Variants in STOX2 observed in about 807,000 individuals in gnomAD.
STOX2 encodes storkhead box 2, also known as storkhead-box protein 2.
Under a neutral mutation model 60.9 loss-of-function variants are expected in STOX2, and 28 were observed. The ratio of observed to expected loss-of-function variants is 0.46; its 90% CI spans 0.34 to 0.63. The LOEUF is 0.63. Among genes scored for constraint, STOX2 ranks in the 30% least tolerant of loss-of-function variants. The probability of loss-of-function intolerance (pLI) is 0.01; values close to 1 mark genes in which losing one functional copy is unlikely to be tolerated. For synonymous variants in STOX2, 472 were observed against 463.9 expected, an observed-to-expected ratio of 1.02 and a Z score of -0.22; for missense variants, 1,024 against 1,187.7, an observed-to-expected ratio of 0.86 and a Z score of 2.03.
chr4:183,989,432 C>G (rs1733003106), intron 1 of STOX2, among the ~76,000 whole-genome samples: 1 of 152,094 alleles, frequency 6.6e-6, no homozygotes, highest in Non-Finnish European at 1.5e-5. Flanking sequence ...GAACTTCTGA[C>G]CTCTGTTGAC....
rs1194705834 is a variant in STOX2, at chr4:184,017,339, C to T, written c.*55C>T. The stretch of plus-strand genomic sequence containing the variant: ...ATTCGATACAGCAAAGTTTACGACA[C>T]TGGGACTGATGTTTACATCTTTGGA... On this transcript the variant is annotated 3_prime_UTR_variant, in exon 4 of 4. Coordinates refer to ENST00000308497, the MANE Select transcript of STOX2 (RefSeq NM_020225.3). The T allele has an allele frequency of 7.0e-7, 1 of 1,431,486 alleles. No homozygotes were observed. The highest frequency in any genetic ancestry group is 1.4e-5 in the African/African-American group (1 of 69,696). 88.7% of individuals were successfully genotyped at this position (1,431,486 alleles called of 1,614,324 possible).
chr4:183,826,396 C>T (rs926363219), intron 1 of STOX2, among the ~76,000 whole-genome samples: 2 of 152,192 alleles, frequency 1.3e-5, no homozygotes, highest in African/African-American at 4.8e-5. Flanking sequence ...CCCAGGCAGC[C>T]TCTGGCTCCA....
At position 183,927,411 on chromosome 4, in the gene STOX2, A is replaced by G. The variant is rs116102778; in HGVS notation, c.166+20455A>G. On this transcript the variant is annotated intron_variant, in intron 1 of 3. Transcript: ENST00000308497. Reference sequence around the variant, plus strand: ...AATGTTATGTGCTCCATAACAGTGAACAGTTATTGTTATTAATAAGCTTAT... The same window carrying G: ...AATGTTATGTGCTCCATAACAGTGAGCAGTTATTGTTATTAATAAGCTTAT... Among the ~76,000 whole-genome samples, 154 of 152,344 alleles carry G rather than the reference A, an allele frequency of 1.0e-3. 1 individual carries two copies. The highest frequency in any genetic ancestry group is 3.5e-3 in the African/African-American group (147 of 41,580).
intron 1 of STOX2, among the ~76,000 whole-genome samples, chr4:183,972,531 C>T (rs1414043108): frequency 6.6e-6 from 1 of 152,134 alleles, no homozygotes; most frequent in Non-Finnish European, 1.5e-5. Flanking sequence ...TCATACAGGT[C>T]CCAGGCTGAC....
chr4:183,953,468 C>T (rs991110286), intron 1 of STOX2, among the ~76,000 whole-genome samples: 13 of 152,164 alleles, frequency 8.5e-5, no homozygotes, highest in Non-Finnish European at 5.9e-5. Context: ...TCCTGTTGTA[C>T]CCAGTGGCAA....
intron 1 of STOX2, among the ~76,000 whole-genome samples, chr4:183,980,592 G>A (rs578251503): frequency 6.6e-6 from 1 of 152,212 alleles, no homozygotes; most frequent in South Asian, 2.1e-4. Context: ...ATTCAGCCTG[G>A]TCATGCTGAG....
intron 1 of STOX2, among the ~76,000 whole-genome samples, chr4:183,874,506 A>G (rs940238498): frequency 3.9e-5 from 6 of 152,184 alleles, no homozygotes; most frequent in African/African-American, 1.4e-4. Context: ...GAAGATTATT[A>G]ATGAGCTTTT....
chr4:183,828,906 C>T (rs6839206), intron 1 of STOX2, among the ~76,000 whole-genome samples: 5,855 of 152,214 alleles, frequency 0.038, 331 homozygotes, highest in African/African-American at 0.13. Context: ...TTGTAAAAAA[C>T]CTACCACGGA....
Position 183,865,774 on chromosome 4 carries a change from A to C in STOX2, c.364+67719A>C, listed in dbSNP as rs1318595036. On this transcript the variant is annotated intron_variant, in intron 1 of 2. Coordinates refer to the STOX2 transcript ENST00000513034. The surrounding 1 kb of genome is among the most constrained non-coding windows in gnomAD (Gnocchi z 4.1). The stretch of plus-strand genomic sequence containing the variant: ...TGGCATGAACACAGGCTAGAAGGCA[A>C]GAAAACCCTGGTTGTAGGTTGCATG... 6.6e-6 allele frequency among the ~76,000 whole-genome samples: 1 copy of C among 152,236 alleles called. No homozygotes were observed. Among genetic ancestry groups the C allele is most frequent in the Non-Finnish European group, 1.5e-5 (1 of 68,044 alleles).
chr4:183,978,583 A>T (rs192712690), intron 1 of STOX2, among the ~76,000 whole-genome samples: 3 of 152,316 alleles, frequency 2.0e-5, no homozygotes, highest in Non-Finnish European at 2.9e-5. Context: ...AAGCAATCCT[A>T]CTTCAGTAGT....
chr4:183,886,324 G>GAGGGTGAAGGTTCAGATGGTTGCT (rs1276420829), intron 1 of STOX2, among the ~76,000 whole-genome samples: 13 of 148,486 alleles, frequency 8.8e-5, no homozygotes, highest in East Asian at 2.0e-4. Context: ...GCAAGATCAG[G>GAGGGTGAAGGTTCAGATGGTTGCT]GTCACTAGGA....
chr4:184,009,464 C>A lies in STOX2; in HGVS notation c.626C>A (p.Thr209Lys). 1 of 1,614,040 alleles carries A rather than the reference C, an allele frequency of 6.2e-7. No homozygotes were observed. The highest frequency in any genetic ancestry group is 8.5e-7 in the Non-Finnish European group (1 of 1,179,896). ...TGCTGCAGAGAAGACGTGCACAGCA[C>A]GCATGCACCCACCCTGCAAAGGAAG... is the stretch of plus-strand genomic sequence containing the variant. ...CHCCREDVHS[T>K]HAPTLQRKSA... Residue 209 changes from threonine (T) to lysine (K), a missense_variant, in exon 3 of 4, where the codon ACG (threonine) becomes AAG (lysine). Physicochemically the swap from Thr to Lys is moderately conservative, Grantham distance 78 (BLOSUM62 -1). Transcript: ENST00000308497. The surrounding 1 kb of genome is among the most constrained non-coding windows in gnomAD (Gnocchi z 4.0).
In STOX2 at chr4:183,806,523, C is replaced by T. The variant is rs17360368; in HGVS notation, c.364+8468C>T. 0.038 allele frequency among the ~76,000 whole-genome samples: 5,765 copies of T among 152,218 alleles called. 141 individuals are homozygous for T. Among genetic ancestry groups the T allele is most frequent in the Non-Finnish European group, 0.062 (4,248 of 68,012 alleles). ...AGCCTTCTGTCTTCACTGTGAACCC[C>T]GGGATACTGCGGCGGTGCTGGCTGG... is the stretch of plus-strand genomic sequence containing the variant. On this transcript the variant is annotated intron_variant, in intron 1 of 2. Coordinates refer to the STOX2 transcript ENST00000513034. The surrounding 1 kb of genome is among the most constrained non-coding windows in gnomAD (Gnocchi z 4.1).
At chr4:183,886,843 C>T (rs1480258660) in intron 1 of STOX2, among the ~76,000 whole-genome samples, 1 of 152,184 alleles carries the variant, frequency 6.6e-6, no homozygotes, top group Non-Finnish European at 1.5e-5. Context: ...ATCCTCCCTC[C>T]CACAGATGTG....
At chr4:183,930,545 A>G (rs1324749126) in intron 1 of STOX2, among the ~76,000 whole-genome samples, 2 of 147,928 alleles carry the variant, frequency 1.4e-5, no homozygotes, top group Non-Finnish European at 3.0e-5. Flanking sequence ...TTTCCTAGAG[A>G]CGGAGTCTCA....
intron 1 of STOX2, among the ~76,000 whole-genome samples, chr4:183,843,092 G>T (rs1165590978): frequency 6.8e-6 from 1 of 146,640 alleles, no homozygotes; most frequent in Admixed American, 6.9e-5. Flanking sequence ...AGGTTGCAGC[G>T]AGCCAAGATC....
In STOX2 at chr4:183,833,874, T is replaced by G. The variant is rs559463737; in HGVS notation, c.364+35819T>G. 1.4e-5 allele frequency among the ~76,000 whole-genome samples: 2 copies of G among 146,376 alleles called. 1 individual carries two copies. The highest frequency in any genetic ancestry group is 1.4e-4 in the Admixed American group (2 of 13,794). On this transcript the variant is annotated intron_variant, in intron 1 of 2. Coordinates refer to the STOX2 transcript ENST00000513034. Reference sequence around the variant, plus strand: ...GCAGGCGCCTGTAGTCCCAGCTACTTGGGAGGCTGAGGCAGGAGAATGGCG... The same window carrying G: ...GCAGGCGCCTGTAGTCCCAGCTACTGGGGAGGCTGAGGCAGGAGAATGGCG...
chr4:183,818,249 C>T (rs577551701), intron 1 of STOX2, among the ~76,000 whole-genome samples: 2,034 of 151,930 alleles, frequency 0.013, 38 homozygotes, highest in African/African-American at 0.046. Context: ...TGCGGCCTTC[C>T]TCAGTGTTTG....
chr4:183,968,800 G>C (rs1743656972), intron 1 of STOX2, among the ~76,000 whole-genome samples: 1 of 150,966 alleles, frequency 6.6e-6, no homozygotes, highest in South Asian at 2.1e-4. Context: ...CGGGGGAGGG[G>C]AGGGTGGATA....
Sources: allele counts gnomAD v4.1 joint callset (sites outside exome capture counted in the v4.1 genomes callset), GRCh38; gene constraint gnomAD v4.1.1; non-coding constraint Gnocchi (gnomAD v3.1); transcripts MANE v1.5; gene names NCBI Gene and HGNC (gene_info 2026-07-23, HGNC 2026-07-21).